Variants in MTOR observed in about 807,000 individuals in gnomAD.
The protein encoded by MTOR is mechanistic target of rapamycin kinase.
A neutral mutation model predicts 319.8 loss-of-function variants in MTOR; 70 were observed. That is an observed-to-expected ratio of 0.22 (90% CI 0.18 to 0.27). The LOEUF (loss-of-function observed/expected upper bound fraction) is 0.27. Ranked by LOEUF, MTOR falls within the 10% of genes least tolerant of loss-of-function variation. The probability of loss-of-function intolerance (pLI) is 1.00; values close to 1 mark genes in which losing one functional copy is unlikely to be tolerated. For synonymous variants in MTOR, 1,183 were observed against 1,211.4 expected, an observed-to-expected ratio of 0.98 and a Z score of 0.49; for missense variants, 1,890 against 3,274.4, an observed-to-expected ratio of 0.58 and a Z score of 10.32.
intron 26 of MTOR, among the ~76,000 whole-genome samples, chr1:11,201,628 TAAAG>T (rs909109809): frequency 3.3e-5 from 5 of 152,262 alleles, no homozygotes; most frequent in African/African-American, 4.8e-5. Context: ...ATTTAAGAAA[TAAAG>T]AAGAGAATAA....
chr1:11,261,194 A>G (rs551446303), intron 1 of MTOR, among the ~76,000 whole-genome samples: 1 of 152,010 alleles, frequency 6.6e-6, no homozygotes, highest in South Asian at 2.1e-4. Flanking sequence ...ATGTAAGCTA[A>G]AAGAAAGTAA....
At chr1:11,146,555 C>T in intron 32 of MTOR, 121 bp downstream of exon 32, 3 of 727,322 alleles carry the variant, frequency 4.1e-6, no homozygotes, top group Non-Finnish European at 7.2e-6. Flanking sequence ...TTCAAATGTA[C>T]TCACAGAGCC....
At chr1:11,144,246 T>C (rs898736207) in intron 34 of MTOR, among the ~76,000 whole-genome samples, 1 of 152,128 alleles carries the variant, frequency 6.6e-6, no homozygotes, top group African/African-American at 2.4e-5. Flanking sequence ...ATACTGATCC[T>C]GAGTCTCTCC....
intron 16 of MTOR, 150 bp downstream of exon 16, chr1:11,232,286 T>C (rs1160944655): frequency 1.8e-6 from 1 of 544,142 alleles, no homozygotes; most frequent in African/African-American, 1.9e-5. Context: ...TCTTTCTAAC[T>C]TTTACTCATT....
In MTOR at chr1:11,127,618, C is replaced by T. The variant is rs775920412; in HGVS notation, c.6216+6G>A. 6.2e-7 allele frequency: 1 copy of T among 1,609,476 alleles called. No homozygotes were observed. The highest frequency in any genetic ancestry group is 1.1e-5 in the South Asian group (1 of 90,406). ...GTTATGTCCTTTCGTGTTTTTTACC[C>T]CATACCTGATTAAAGGATGTTTCCT... On this transcript the variant is annotated splice_donor_region_variant and intron_variant, in intron 44 of 57. Transcript: ENST00000361445. The surrounding 1 kb of genome is among the most constrained non-coding windows in gnomAD (Gnocchi z 5.5).
intron 6 of MTOR, among the ~76,000 whole-genome samples, chr1:11,251,166 C>T (rs1649620797): frequency 6.7e-6 from 1 of 149,912 alleles, no homozygotes; most frequent in Admixed American, 6.7e-5. Context: ...ATATGCCCCT[C>T]CTTCCCTTAG....
rs1024487132 is a variant in MTOR at position 11,212,126 on chromosome 1, A to G, written c.3561+186T>C. Among the ~76,000 whole-genome samples, 13 of 152,224 alleles carry G rather than the reference A, an allele frequency of 8.5e-5. No individual in the cohort carries two copies. The highest frequency in any genetic ancestry group is 3.1e-4 in the African/African-American group (13 of 41,460). On this transcript the variant is annotated intron_variant, in intron 23 of 57. Transcript: ENST00000361445. The surrounding 1 kb of genome is among the most constrained non-coding windows in gnomAD (Gnocchi z 4.1). ...TTATTCTGTTTACCGTGTTACCCCC[A>G]GAACGGCACTTAGCTCACATAGGTT... is the stretch of plus-strand genomic sequence containing the variant.
intron 28 of MTOR, among the ~76,000 whole-genome samples, chr1:11,169,288 T>C (rs936107826): frequency 2.0e-5 from 3 of 152,250 alleles, no homozygotes; most frequent in Non-Finnish European, 2.9e-5. Flanking sequence ...ATCACTTCTT[T>C]GACCCCATGC....
intron 28 of MTOR, chr1:11,193,459 G>A (rs1645631275): frequency 5.9e-6 from 5 of 842,454 alleles, no homozygotes; most frequent in Non-Finnish European, 9.0e-6. Context: ...GAGCCAGTGT[G>A]ACTGCGGGAG....
chr1:11,112,693 C>T (rs1480157881), intron 54 of MTOR, among the ~76,000 whole-genome samples, 159 bp downstream of exon 54: 1 of 151,824 alleles, frequency 6.6e-6, no homozygotes, highest in Non-Finnish European at 1.5e-5. Flanking sequence ...CGGGATGCAC[C>T]CACTGACTGA....
chr1:11,126,510 A>C (rs891116479), intron 46 of MTOR, 112 bp downstream of exon 46: 5 of 1,206,062 alleles, frequency 4.1e-6, no homozygotes, highest in Non-Finnish European at 5.8e-6. Flanking sequence ...GGAGAGATGT[A>C]GCTATGATAG....
At chr1:11,231,109 C>T in intron 17 of MTOR, 55 bp from the exon 18 acceptor site, 1 of 1,612,048 alleles carries the variant, frequency 6.2e-7, no homozygotes, top group Non-Finnish European at 8.5e-7. Context: ...ATGATTACAA[C>T]AAGTATCACG....
intron 6 of MTOR, among the ~76,000 whole-genome samples, chr1:11,249,350 G>C (rs1258321182): frequency 6.6e-6 from 1 of 151,234 alleles, no homozygotes; most frequent in African/African-American, 2.4e-5. Flanking sequence ...AGAAAATCTT[G>C]TCCTCTCGTC....
At chr1:11,152,934 T>TA (rs1215815806) in intron 30 of MTOR, among the ~76,000 whole-genome samples, 1 of 152,238 alleles carries the variant, frequency 6.6e-6, no homozygotes, top group African/African-American at 2.4e-5. Flanking sequence ...ACTAGCCACT[T>TA]ACGCTTTATG....
In MTOR at chr1:11,228,908, G is replaced by A. The variant is rs768136616; in HGVS notation, c.2790C>T (p.Ser930=). The A allele has an allele frequency of 1.9e-6, 3 of 1,614,124 alleles. No homozygotes were observed. The South Asian group carries it at 3.3e-5, about 18-fold the overall frequency. Residue 930 remains serine (S), a synonymous_variant, in exon 19 of 58, where the codon AGC becomes AGT. Transcript: ENST00000361445. ...CCATGTTGACCAGCATTTCACTAGT[G>A]CTATAGTCAGCTAGGACAAAACAAC... ...SKSSQDSSDY[S]TSEMLVNMGN... is the part of the protein sequence containing the mutation.
intron 5 of MTOR, among the ~76,000 whole-genome samples, chr1:11,254,409 T>C (rs999138382): frequency 1.4e-4 from 21 of 152,064 alleles, no homozygotes; most frequent in African/African-American, 5.1e-4. Context: ...CAAAGTGCTG[T>C]GATTACAGGT....
rs1642913016 is a variant in MTOR at position 11,127,733 on chromosome 1, C to T, written c.6107G>A (p.Arg2036His). The change falls in exon 44 of 58, where the codon CGT (arginine) becomes CAT (histidine). Residue 2036 changes from arginine to histidine, a missense_variant. Arg to His is a conservative substitution (Grantham distance 29, BLOSUM62 0). Around this residue, in one of 15 missense-constraint regions of MTOR, gnomAD observed 249 missense variants for 596.2 expected, o/e 0.42. Transcript: ENST00000361445. The surrounding 1 kb of genome is among the most constrained non-coding windows in gnomAD (Gnocchi z 5.5). ...MWHEGLEEASRLYFGERNVKG... is the reference protein window; with the variant it reads ...MWHEGLEEASHLYFGERNVKG... ...CACGTTCCTTTCCCCAAAGTACAAA[C>T]GAGATGCCTCTTCCAGGCCTTCATG... The T allele has an allele frequency of 6.2e-7, 1 of 1,614,018 alleles. No individual in the cohort carries two copies. Among genetic ancestry groups the T allele is most frequent in the Non-Finnish European group, 8.5e-7 (1 of 1,180,040 alleles).
intron 6 of MTOR, among the ~76,000 whole-genome samples, chr1:11,252,761 C>G (rs1003975842): frequency 6.6e-6 from 1 of 152,160 alleles, no homozygotes; most frequent in Non-Finnish European, 1.5e-5. Flanking sequence ...TTTCTACAGC[C>G]AGTCTCACAG....
intron 10 of MTOR, 98 bp from the exon 11 acceptor site, chr1:11,240,645 CTCT>C: frequency 6.9e-7 from 1 of 1,442,796 alleles, no homozygotes; most frequent in Non-Finnish European, 9.4e-7. Flanking sequence ...GGGATCAGGC[CTCT>C]GTTCTTCAGA....
Sources: gnomAD v4.1 joint callset for allele counts (sites outside exome capture counted in the v4.1 genomes callset) on GRCh38, gnomAD v4.1.1 for gene constraint, gnomAD v4.1.1 regional missense constraint, Gnocchi (gnomAD v3.1) non-coding constraint, MANE v1.5 for transcripts, NCBI Gene and HGNC (gene_info 2026-07-23, HGNC 2026-07-21) for gene names.